Variants in VAC14 observed in about 807,000 individuals in gnomAD.
VAC14 encodes the protein VAC14 component of PIKFYVE complex, also known as protein VAC14 homolog.
In VAC14, 47 loss-of-function variants were observed where a neutral mutation model predicts 85.3. That is an observed-to-expected ratio of 0.55 (90% confidence interval 0.44 to 0.70). VAC14 has a LOEUF of 0.70. VAC14 is among the 30% of genes least tolerant of loss of function. The pLI, the probability that VAC14 is intolerant of heterozygous loss-of-function variation, is 0.00. For synonymous variants in VAC14, 447 were observed against 430.5 expected (o/e 1.04, Z -0.47); for missense variants, 861 against 1,004.3 (o/e 0.86, Z 1.93).
chr16:70,695,647 C>A (rs759654629), intron 16 of VAC14, 24 bp from the exon 17 acceptor site: 4 of 1,609,078 alleles, frequency 2.5e-6, no homozygotes, highest in Non-Finnish European at 2.6e-6. Context: ...CAAGGAAAGT[C>A]TGTCTGCTGG....
intron 5 of VAC14, 140 bp from the exon 6 acceptor site, chr16:70,783,694 G>A (rs1470245820): frequency 1.4e-5 from 11 of 796,916 alleles, no homozygotes; most frequent in Non-Finnish European, 2.2e-5. Flanking sequence ...CATGTGGGAG[G>A]AGGGTGCTGG....
intron 18 of VAC14, chr16:70,691,782 C>G: frequency 2.0e-6 from 2 of 985,384 alleles, no homozygotes; most frequent in South Asian, 4.7e-5. Context: ...CTCAGCCATC[C>G]GAGGGCCAGT....
In VAC14 at chr16:70,760,965, GTGTGTGTGTGTGT is replaced by G. The variant is rs2032292265; in HGVS notation, c.1371+1562_1371+1574del. On this transcript the variant is annotated intron_variant, in intron 12 of 18. Transcript: ENST00000261776. The stretch of plus-strand genomic sequence containing the variant: ...AGGGGGTGGTGCACGAAGAGAGGGT[GTGTGTGTGTGTGT>G]GTGTGTGTGTGTGTGTGTGTGTGTG... Among the ~76,000 whole-genome samples the G allele has an allele frequency of 1.7e-3, 106 of 60,732 alleles. 2 individuals carry two copies. Among genetic ancestry groups the G allele is most frequent in the African/African-American group, 6.5e-3 (101 of 15,612 alleles). 39.8% of individuals were successfully genotyped at this position (60,732 alleles called of 152,430 possible).
At chr16:70,786,122 G>A in intron 2 of VAC14, 93 bp downstream of exon 2, 1 of 1,538,298 alleles carries the variant, frequency 6.5e-7, no homozygotes, top group Non-Finnish European at 8.8e-7. Context: ...GGTCTGCAAT[G>A]CCCTACTGGG....
At chr16:70,798,285 T>C (rs1346829492) in intron 1 of VAC14, among the ~76,000 whole-genome samples, 1 of 152,226 alleles carries the variant, frequency 6.6e-6, no homozygotes, top group East Asian at 1.9e-4. Context: ...AGGGAGCACA[T>C]GAACTGACTC....
chr16:70,753,064 T>C (rs1318281130), intron 12 of VAC14, among the ~76,000 whole-genome samples: 1 of 150,036 alleles, frequency 6.7e-6, no homozygotes, highest in Non-Finnish European at 1.5e-5. Flanking sequence ...GATGGACAGA[T>C]AAACAAGGCT....
intron 14 of VAC14, chr16:70,699,895 C>T (rs763216200): frequency 6.6e-6 from 1 of 152,252 alleles, no homozygotes; most frequent in Admixed American, 6.5e-5. Context: ...CTGCCCACAC[C>T]ACCTTCCGTC....
intron 5 of VAC14, 127 bp downstream of exon 5, chr16:70,783,986 C>T (rs1031051554): frequency 6.8e-6 from 5 of 732,322 alleles, no homozygotes; most frequent in Non-Finnish European, 1.2e-5. Context: ...TTTGAATTAT[C>T]AGGTGTTAAT....
At chr16:70,707,812 T>C (rs1385398406) in intron 14 of VAC14, among the ~76,000 whole-genome samples, 1 of 151,824 alleles carries the variant, frequency 6.6e-6, no homozygotes, top group Non-Finnish European at 1.5e-5. Flanking sequence ...TTTTTTTTTT[T>C]TTCAAGATGG....
At chr16:70,782,843 A>G (rs1294985401) in intron 7 of VAC14, among the ~76,000 whole-genome samples, 190 bp downstream of exon 7, 1 of 152,170 alleles carries the variant, frequency 6.6e-6, no homozygotes, top group Non-Finnish European at 1.5e-5. Context: ...GTGGTGACAG[A>G]ACCCAGACCT....
chr16:70,800,986 GC>G lies in VAC14; in HGVS notation c.-87del. Reference sequence around the variant, plus strand: ...CCAGGGGAGTCTGCGGCTCCGCTCTGCCCCCGGCGCCGGCGCATGGACCACG... The same window carrying G: ...CCAGGGGAGTCTGCGGCTCCGCTCTGCCCCGGCGCCGGCGCATGGACCACG... On this transcript the variant is annotated 5_prime_UTR_variant, in exon 1 of 19. An upstream open reading frame in the 5' UTR loses its in-frame stop. Coordinates refer to ENST00000261776, the MANE Select transcript of VAC14 (RefSeq NM_018052.5). 2 of 916,256 alleles carry G rather than the reference GC, an allele frequency of 2.2e-6. No individual in the cohort carries two copies. The highest frequency in any genetic ancestry group is 3.1e-6 in the Non-Finnish European group (2 of 650,768). 56.8% of individuals were successfully genotyped at this position (916,256 alleles called of 1,614,324 possible).
chr16:70,776,223 C>A (rs544955416), intron 9 of VAC14, among the ~76,000 whole-genome samples: 1 of 152,170 alleles, frequency 6.6e-6, no homozygotes, highest in Non-Finnish European at 1.5e-5. Flanking sequence ...GCCTCAGTCT[C>A]CCAAGTAGCT....
intron 1 of VAC14, among the ~76,000 whole-genome samples, chr16:70,794,419 A>C (rs565324835): frequency 6.6e-6 from 1 of 152,060 alleles, no homozygotes; most frequent in Non-Finnish European, 1.5e-5. Flanking sequence ...TTCACTTAGC[A>C]TAATGTTTTC....
intron 13 of VAC14, among the ~76,000 whole-genome samples, chr16:70,741,384 C>T (rs1005108717): frequency 1.3e-5 from 2 of 152,118 alleles, no homozygotes; most frequent in Non-Finnish European, 2.9e-5. Context: ...CCCGGGGCAG[C>T]GGAGGTGGGG....
In VAC14 at chr16:70,704,721, G is replaced by A. The variant is rs181016795; in HGVS notation, c.1662-5910C>T. Among the ~76,000 whole-genome samples the A allele has an allele frequency of 4.3e-4, 65 of 152,348 alleles. 1 individual carries two copies. Among genetic ancestry groups the A allele is most frequent in the African/African-American group, 1.4e-3 (60 of 41,576 alleles). Reference sequence around the variant, plus strand: ...GCAGAGCCTGGCACGTTAGAGGCTAGGGACAGCCGGAGCCCGCTCGGGAGG... The same window carrying A: ...GCAGAGCCTGGCACGTTAGAGGCTAAGGACAGCCGGAGCCCGCTCGGGAGG... On this transcript the variant is annotated intron_variant, in intron 14 of 18. Transcript: ENST00000261776.
At chr16:70,722,359 C>G (rs574177896) in intron 14 of VAC14, among the ~76,000 whole-genome samples, 2 of 152,374 alleles carry the variant, frequency 1.3e-5, no homozygotes, top group African/African-American at 4.8e-5. Flanking sequence ...GCCACATCAC[C>G]CCTGCTCAGA....
intron 18 of VAC14, 118 bp from the exon 19 acceptor site, chr16:70,688,208 C>G (rs2142978041): frequency 2.2e-6 from 3 of 1,335,398 alleles, no homozygotes; most frequent in Non-Finnish European, 2.9e-6. Flanking sequence ...CTGTGGGCGT[C>G]TGTCTCAGGC....
chr16:70,738,349 G>T (rs182182084), intron 13 of VAC14, among the ~76,000 whole-genome samples: 91 of 152,346 alleles, frequency 6.0e-4, no homozygotes, highest in Middle Eastern at 3.4e-3. Context: ...GCCGGCCTGG[G>T]TCGGCAGGAC....
At chr16:70,707,736 C>T (rs1162988335) in intron 14 of VAC14, among the ~76,000 whole-genome samples, 1 of 152,014 alleles carries the variant, frequency 6.6e-6, no homozygotes. Flanking sequence ...GGGAGGGGCT[C>T]TGCCTTCTCC....
Sources: allele counts gnomAD v4.1 joint callset (sites outside exome capture counted in the v4.1 genomes callset), GRCh38; gene constraint gnomAD v4.1.1; transcripts MANE v1.5; gene names NCBI Gene and HGNC (gene_info 2026-07-23, HGNC 2026-07-21).